Variants in FANCI observed in about 807,000 individuals in gnomAD.
FANCI encodes the protein FA complementation group I, also known as Fanconi anemia group I protein.
FANCI carries 156 observed loss-of-function variants against 176.1 expected under a neutral mutation model. That is an observed-to-expected ratio of 0.89 (90% CI 0.78 to 1.01). The LOEUF is 1.01. FANCI is among the 50% of genes least tolerant of loss of function. The pLI is 0.00. For missense variants in FANCI, 1,678 were observed against 1,534.1 expected (o/e 1.09, Z -1.57); for synonymous variants, 613 against 541.7 (o/e 1.13, Z -1.83).
At chr15:89,256,491 T>C (rs2052499420) in intron 2 of FANCI, among the ~76,000 whole-genome samples, 3 of 152,242 alleles carry the variant, frequency 2.0e-5, no homozygotes, top group Non-Finnish European at 4.4e-5. Context: ...TTTATTGTTT[T>C]ATTAGTCTTG....
chr15:89,295,155 A>G, intron 24 of FANCI, 61 bp downstream of exon 24: 1 of 1,504,024 alleles, frequency 6.6e-7, no homozygotes, highest in African/African-American at 1.4e-5. Context: ...CCAAGAGAAC[A>G]AACTGGGAAC....
chr15:89,246,746 T>G, intron 1 of FANCI, among the ~76,000 whole-genome samples: 1 of 149,436 alleles, frequency 6.7e-6, no homozygotes, highest in Middle Eastern at 3.4e-3. Flanking sequence ...AGCTTTTCTT[T>G]CTTTCTTTCT....
At chr15:89,314,428 C>T (rs1309833895) in intron 35 of FANCI, among the ~76,000 whole-genome samples, 184 bp from the exon 36 acceptor site, 2 of 152,208 alleles carry the variant, frequency 1.3e-5, no homozygotes, top group Non-Finnish European at 2.9e-5. Flanking sequence ...ATTATCTCTA[C>T]TGGCATTTGG....
rs368120771 is a variant in FANCI at position 89,295,169 on chromosome 15, G to A, written c.2636+75G>A. ...TCCAAGAGAACAAACTGGGAACAGA[G>A]GATGAAGGTAATTTGAGGTTGGACA... On this transcript the variant is annotated intron_variant, in intron 24 of 37. Transcript: ENST00000310775. 1.0e-4 allele frequency: 147 copies of A among 1,461,956 alleles called. 1 individual carries two copies. In the South Asian group the frequency reaches 1.9e-3, roughly 19 times the overall value. 90.6% of individuals were successfully genotyped at this position (1,461,956 alleles called of 1,614,324 possible).
chr15:89,296,408 T>C (rs1180239820), intron 24 of FANCI, among the ~76,000 whole-genome samples: 1 of 117,176 alleles, frequency 8.5e-6, no homozygotes, highest in Non-Finnish European at 1.8e-5. Context: ...GTGGCTTTTG[T>C]TTTTTCGTTT....
chr15:89,245,030 G>C (rs2051883593), intron 1 of FANCI, among the ~76,000 whole-genome samples: 2 of 152,182 alleles, frequency 1.3e-5, no homozygotes, highest in South Asian at 4.1e-4. Context: ...TTATAGTCTA[G>C]TGGGAGATAA....
intron 2 of FANCI, among the ~76,000 whole-genome samples, chr15:89,257,174 G>A (rs1392777641): frequency 6.6e-6 from 1 of 152,092 alleles, no homozygotes; most frequent in African/African-American, 2.4e-5. Flanking sequence ...CCAAAGTGCT[G>A]GGATTACAGG....
intron 9 of FANCI, 57 bp from the exon 10 acceptor site, chr15:89,268,342 A>G: frequency 6.2e-7 from 1 of 1,607,456 alleles, no homozygotes; most frequent in South Asian, 1.1e-5. Context: ...AAGTGCTGGC[A>G]TTACAGGCAT....
intron 2 of FANCI, among the ~76,000 whole-genome samples, chr15:89,254,406 G>T (rs2052405799): frequency 1.3e-5 from 2 of 152,160 alleles, no homozygotes; most frequent in South Asian, 4.1e-4. Context: ...AAAAAAGACA[G>T]TGGGGGCGTG....
chr15:89,303,630 T>G (rs1358040287), intron 27 of FANCI, among the ~76,000 whole-genome samples: 1 of 152,202 alleles, frequency 6.6e-6, no homozygotes, highest in East Asian at 1.9e-4. Flanking sequence ...CTAAAACTTT[T>G]GGACCTCAGT....
intron 10 of FANCI, 57 bp downstream of exon 10, chr15:89,268,582 T>G (rs770711283): frequency 1.2e-6 from 2 of 1,606,062 alleles, no homozygotes; most frequent in South Asian, 1.1e-5. Context: ...TGTTTGAACT[T>G]AAGCCACTGT....
chr15:89,265,998 C>CTTTTTTTT (rs34447883), intron 9 of FANCI, among the ~76,000 whole-genome samples: 1 of 132,034 alleles, frequency 7.6e-6, no homozygotes, highest in Non-Finnish European at 1.6e-5. Context: ...TTTCTTATTT[C>CTTTTTTTT]TTTTTTTTTT....
chr15:89,247,841 C>T, intron 2 of FANCI, 110 bp downstream of exon 2: 1 of 821,478 alleles, frequency 1.2e-6, no homozygotes, highest in East Asian at 2.6e-5. Flanking sequence ...ACTCCCCATT[C>T]ACTGTAGGAG....
chr15:89,286,997 T>TTTTTTTTTTC (rs2053843640), intron 18 of FANCI, among the ~76,000 whole-genome samples: 2 of 142,856 alleles, frequency 1.4e-5, no homozygotes, highest in African/African-American at 5.5e-5. Context: ...TTTTTTTTTT[T>TTTTTTTTTTC]TGAGTCTCAC....
Position 89,316,640 on chromosome 15 carries a change from C to T in FANCI, c.*181C>T, listed in dbSNP as rs2055274477. The T allele has an allele frequency of 2.6e-6, 3 of 1,169,966 alleles. No homozygotes were observed. Among genetic ancestry groups the T allele is most frequent in the Middle Eastern group, 2.1e-4 (1 of 4,818 alleles). The allele number at this position is 1,169,966 out of a possible 1,614,324, so 72.5% of individuals were successfully genotyped here. A position where few individuals can be genotyped will look rare whatever the true frequency, so the allele number is the denominator to read the frequency against. ...GGCAGGTCCTGCTACTGAAAAATGG[C>T]TGGCCTTAGGCAAGCCCTTTTGCAA... On this transcript the variant is annotated 3_prime_UTR_variant, in exon 38 of 38. Transcript: ENST00000310775.
chr15:89,306,415 G>T (rs1364025218), intron 32 of FANCI, among the ~76,000 whole-genome samples: 2 of 152,150 alleles, frequency 1.3e-5, no homozygotes, highest in African/African-American at 2.4e-5. Flanking sequence ...TTTTGGGCCT[G>T]TCACGGTGGT....
chr15:89,262,024 A>G (rs1163808759), intron 6 of FANCI, 146 bp downstream of exon 6: 10 of 717,728 alleles, frequency 1.4e-5, no homozygotes, highest in African/African-American at 5.3e-5. Flanking sequence ...TTAGTCTGCA[A>G]TGAATTAGTG....
At chr15:89,279,418 A>T (rs1376469356) in intron 14 of FANCI, among the ~76,000 whole-genome samples, 3 of 152,156 alleles carry the variant, frequency 2.0e-5, no homozygotes, top group Non-Finnish European at 4.4e-5. Context: ...TTAGCTTCCC[A>T]AAGTGCTGGG....
intron 6 of FANCI, among the ~76,000 whole-genome samples, chr15:89,262,195 A>G (rs1388994205): frequency 1.3e-5 from 2 of 152,080 alleles, no homozygotes; most frequent in Non-Finnish European, 2.9e-5. Flanking sequence ...TGGAGTCTCA[A>G]GGTCGTGAAG....
Sources: allele counts gnomAD v4.1 joint callset (sites outside exome capture counted in the v4.1 genomes callset), GRCh38; gene constraint gnomAD v4.1.1; transcripts MANE v1.5; gene names NCBI Gene and HGNC (gene_info 2026-07-23, HGNC 2026-07-21).